Variants in AGMO observed in about 807,000 individuals in gnomAD.
AGMO encodes the protein alkylglycerol monooxygenase.
Under a neutral mutation model 60.2 loss-of-function variants are expected in AGMO, and 75 were observed. The observed-to-expected ratio is 1.25, with a 90% CI of 1.03 to 1.51. The LOEUF is 1.51. Ranked by LOEUF, AGMO falls within the 40% of genes most tolerant of loss-of-function variation. AGMO has a pLI of 0.00. For synonymous variants in AGMO, 261 were observed against 177.1 expected, an observed-to-expected ratio of 1.47 and a Z score of -3.76; for missense variants, 763 against 525.5, an observed-to-expected ratio of 1.45 and a Z score of -4.42.
At chr7:15,175,371 G>C in the AGMO span, among the ~76,000 whole-genome samples, 2 of 151,896 alleles carry the variant, frequency 1.3e-5, no homozygotes, top group Non-Finnish European at 2.9e-5. Flanking sequence ...GTAAGCAGCA[G>C]TCTGACAAAG....
At chr7:15,193,830 T>A in the AGMO span, among the ~76,000 whole-genome samples, 1 of 152,174 alleles carries the variant, frequency 6.6e-6, no homozygotes, top group African/African-American at 2.4e-5. Flanking sequence ...TAAAATCTGA[T>A]GTCTGGCAGC....
chr7:15,357,765 G>A (rs1217229343), intron 12 of AGMO, among the ~76,000 whole-genome samples: 1 of 152,172 alleles, frequency 6.6e-6, no homozygotes, highest in Non-Finnish European at 1.5e-5. Context: ...GCTTTTATCT[G>A]AGCTGATTAT....
intron 12 of AGMO, among the ~76,000 whole-genome samples, chr7:15,218,549 A>T (rs1313982116): frequency 1.2e-5 from 1 of 80,788 alleles, no homozygotes; most frequent in Non-Finnish European, 2.3e-5. Flanking sequence ...CATTTCCTTT[A>T]AAAAAAATCT....
chr7:15,415,421 T>C (rs149322401), intron 5 of AGMO, among the ~76,000 whole-genome samples: 3,333 of 151,998 alleles, frequency 0.022, 48 homozygotes, highest in Middle Eastern at 0.051. Flanking sequence ...TGCGTGCCTG[T>C]AGTCCCAACT....
intron 12 of AGMO, among the ~76,000 whole-genome samples, chr7:15,299,736 G>C (rs1397156128): frequency 6.6e-6 from 1 of 151,886 alleles, no homozygotes; most frequent in East Asian, 1.9e-4. Context: ...GCTGAGGCAG[G>C]AGAATTGCTC....
At position 15,265,988 on chromosome 7, in the gene AGMO, A is replaced by T. The variant is rs1783420889; in HGVS notation, c.1264-64629T>A. ...CATTCTGATGTATGCTACAATATGG[A>T]TGACCCTTGGTGACATTATGCTAAG... On this transcript the variant is annotated intron_variant, in intron 12 of 12. Transcript: ENST00000342526. 2.6e-5 allele frequency among the ~76,000 whole-genome samples: 4 copies of T among 152,222 alleles called. No homozygotes were observed. The South Asian group carries it at 8.3e-4, about 32-fold the overall frequency.
chr7:15,264,659 A>T (rs931746546), intron 12 of AGMO, among the ~76,000 whole-genome samples: 38 of 152,270 alleles, frequency 2.5e-4, no homozygotes, highest in African/African-American at 8.2e-4. Context: ...GCATACAAGC[A>T]TTCAACAAGT....
intron 12 of AGMO, among the ~76,000 whole-genome samples, chr7:15,218,484 G>A (rs945263956): frequency 1.3e-5 from 2 of 151,844 alleles, no homozygotes; most frequent in Non-Finnish European, 2.9e-5. Context: ...CAATGGACAG[G>A]AAGGAAAAGA....
At chr7:15,384,900 T>C (rs1027287217) in intron 10 of AGMO, among the ~76,000 whole-genome samples, 5 of 151,180 alleles carry the variant, frequency 3.3e-5, no homozygotes, top group Middle Eastern at 3.4e-3. Flanking sequence ...AGTATGAGTA[T>C]TCTTTTGTGG....
chr7:15,327,623 A>G (rs781332474), intron 12 of AGMO, among the ~76,000 whole-genome samples: 1 of 152,092 alleles, frequency 6.6e-6, no homozygotes, highest in Non-Finnish European at 1.5e-5. Context: ...TATGGGAACT[A>G]TAAACGACAA....
intron 12 of AGMO, among the ~76,000 whole-genome samples, chr7:15,291,601 C>CACAAAAA (rs1316447047): frequency 1.3e-5 from 2 of 151,962 alleles, no homozygotes; most frequent in Non-Finnish European, 2.9e-5. Flanking sequence ...ATCACACACA[C>CACAAAAA]ACAAAAAAAA....
chr7:15,553,200 T>C (rs1483728742), intron 2 of AGMO, among the ~76,000 whole-genome samples: 2 of 151,404 alleles, frequency 1.3e-5, no homozygotes, highest in Non-Finnish European at 1.5e-5. Context: ...AGGGATAGCA[T>C]TGGGAGATAT....
Position 15,201,185 on chromosome 7 carries a change from G to T in AGMO, c.*100C>A, listed in dbSNP as rs186964232. 6 of 642,716 alleles carry T rather than the reference G, an allele frequency of 9.3e-6. No individual in the cohort carries two copies. The East Asian group carries it at 1.9e-4, about 20-fold the overall frequency. The allele number at this position is 642,716 out of a possible 1,614,324, so 39.8% of individuals were successfully genotyped here. On this transcript the variant is annotated 3_prime_UTR_variant, in exon 13 of 13. Coordinates refer to ENST00000342526, the MANE Select transcript of AGMO (RefSeq NM_001004320.2). The stretch of plus-strand genomic sequence containing the variant: ...AATTTTACTTTTCATTGAAGAAATA[G>T]TTCATATAAGCATTACATAAAATAA...
chr7:15,500,979 G>A (rs1209603994), intron 3 of AGMO, among the ~76,000 whole-genome samples: 3 of 151,874 alleles, frequency 2.0e-5, no homozygotes, highest in Non-Finnish European at 1.5e-5. Flanking sequence ...TAATTTCTAT[G>A]TAATTGTATG....
intron 3 of AGMO, among the ~76,000 whole-genome samples, chr7:15,465,107 A>G (rs1293522637): frequency 6.6e-6 from 1 of 151,886 alleles, no homozygotes; most frequent in Non-Finnish European, 1.5e-5. Flanking sequence ...AAAAAGCTAA[A>G]AGTCTTTACT....
chr7:15,430,158 G>T (rs186438708), intron 4 of AGMO, among the ~76,000 whole-genome samples: 1 of 152,024 alleles, frequency 6.6e-6, no homozygotes, highest in East Asian at 1.9e-4. Flanking sequence ...CACATAGTAC[G>T]TACTTATTAA....
chr7:15,511,981 C>T (rs535332268), intron 3 of AGMO, among the ~76,000 whole-genome samples: 2 of 144,156 alleles, frequency 1.4e-5, no homozygotes, highest in Admixed American at 7.1e-5. Flanking sequence ...TGGGGAAATA[C>T]ATTCTGTTCT....
the AGMO span, among the ~76,000 whole-genome samples, chr7:15,117,436 T>G: frequency 1.3e-5 from 2 of 152,030 alleles, no homozygotes; most frequent in Non-Finnish European, 2.9e-5. Flanking sequence ...TTATATGACT[T>G]TGTACATTTG....
chr7:15,334,980 T>G (rs1354080020), intron 12 of AGMO, among the ~76,000 whole-genome samples: 1 of 152,138 alleles, frequency 6.6e-6, no homozygotes, highest in African/African-American at 2.4e-5. Flanking sequence ...TAAATGTCTG[T>G]TTGGATTTTT....
Sources: gnomAD v4.1 joint callset for allele counts (sites outside exome capture counted in the v4.1 genomes callset) on GRCh38, gnomAD v4.1.1 for gene constraint, MANE v1.5 for transcripts, NCBI Gene and HGNC (gene_info 2026-07-23, HGNC 2026-07-21) for gene names.